The following SLC35D1 variants were observed in gnomAD, a reference collection of about 807,000 sequenced individuals.
SLC35D1 encodes the protein nucleotide sugar transporter SLC35D1.
In SLC35D1, 31 loss-of-function variants were observed where a neutral mutation model predicts 46.7. The ratio of observed to expected loss-of-function variants is 0.66; its 90% CI spans 0.50 to 0.90. SLC35D1 has a LOEUF of 0.90. SLC35D1 is among the 40% of genes least tolerant of loss of function. The pLI, the probability that SLC35D1 is intolerant of heterozygous loss-of-function variation, is 0.00. For missense variants in SLC35D1, 397 were observed against 426.2 expected, an observed-to-expected ratio of 0.93 and a Z score of 0.60; for synonymous variants, 195 against 164.6, an observed-to-expected ratio of 1.18 and a Z score of -1.41.
At chr1:67,013,166 A>ATATATACGTATATATATATATATATATG (rs1434207049) in intron 10 of SLC35D1, among the ~76,000 whole-genome samples, 1 of 143,362 alleles carries the variant, frequency 7.0e-6, no homozygotes, top group African/African-American at 2.7e-5. Context: ...AGATATATAT[A>ATATATACGTATATATATATATATATATG]TATCCTGTTC....
Position 67,042,224 on chromosome 1 carries a change from A to C in SLC35D1, c.729+12T>G. ...CAACGTAAGCCATTAAACCGTAATT[A>C]GAAAGTCCTACCTTTTGTGCATCTC... On this transcript the variant is annotated intron_variant, in intron 8 of 11. Coordinates refer to ENST00000235345, the MANE Select transcript of SLC35D1 (RefSeq NM_015139.3). 1 of 1,609,458 alleles carries C rather than the reference A, an allele frequency of 6.2e-7. No homozygotes were observed.
chr1:66,990,027 C>G, the SLC35D1 span, among the ~76,000 whole-genome samples: 2 of 152,326 alleles, frequency 1.3e-5, no homozygotes, highest in East Asian at 3.9e-4. Context: ...GCCAGTCATT[C>G]TAAGTGTATC....
In SLC35D1 at chr1:67,004,092, T is replaced by C; in HGVS notation, c.*248A>G. ...ACTGTCGGCATATAAGAAAAATAAATTAAAAAGCCCAGTACCTTTTCCAGT... is the reference window on the plus strand; with the variant it reads ...ACTGTCGGCATATAAGAAAAATAAACTAAAAAGCCCAGTACCTTTTCCAGT... On this transcript the variant is annotated 3_prime_UTR_variant, in exon 12 of 12. Transcript: ENST00000235345. The C allele has an allele frequency of 2.4e-6, 1 of 422,214 alleles. No individual in the cohort carries two copies. The highest frequency in any genetic ancestry group is 2.5e-5 in the South Asian group (1 of 39,756). The allele number at this position is 422,214 out of a possible 1,614,324, so 26.2% of individuals were successfully genotyped here.
At chr1:67,009,912 T>C (rs1050555019) in intron 10 of SLC35D1, among the ~76,000 whole-genome samples, 7 of 152,248 alleles carry the variant, frequency 4.6e-5, no homozygotes, top group African/African-American at 1.7e-4. Flanking sequence ...TGATTCCCAA[T>C]AGCAAAGACA....
chr1:67,004,836 A>G (rs1414291115), intron 11 of SLC35D1, among the ~76,000 whole-genome samples: 2 of 152,082 alleles, frequency 1.3e-5, no homozygotes, highest in African/African-American at 4.8e-5. Flanking sequence ...TTTTACTTGT[A>G]TTTTTTTGCA....
chr1:67,011,487 C>A (rs1667565370), intron 10 of SLC35D1, among the ~76,000 whole-genome samples: 1 of 152,060 alleles, frequency 6.6e-6, no homozygotes, highest in East Asian at 1.9e-4. Flanking sequence ...TCTCCAAAAT[C>A]TTTTTCATTT....
chr1:66,981,615 C>G, the SLC35D1 span, among the ~76,000 whole-genome samples: 1 of 152,100 alleles, frequency 6.6e-6, no homozygotes, highest in Non-Finnish European at 1.5e-5. Context: ...CCAAAAGGAG[C>G]TTTTCATTTA....
downstream of SLC35D1, among the ~76,000 whole-genome samples, chr1:66,995,458 A>C (rs1351890690): frequency 1.1e-4 from 13 of 119,342 alleles, no homozygotes; most frequent in Admixed American, 3.3e-4. Context: ...AAAAAAAAAA[A>C]AAAAAAAAAA....
At chr1:67,038,622 T>C (rs943885574) in intron 8 of SLC35D1, among the ~76,000 whole-genome samples, 1 of 152,208 alleles carries the variant, frequency 6.6e-6, no homozygotes, top group Non-Finnish European at 1.5e-5. Flanking sequence ...TGGAAAGTCA[T>C]TGGTCAAATG....
intron 8 of SLC35D1, among the ~76,000 whole-genome samples, chr1:67,024,728 C>A (rs1667881913): frequency 6.6e-6 from 1 of 152,058 alleles, no homozygotes; most frequent in Admixed American, 6.6e-5. Context: ...ATACCTGTGT[C>A]CTAATTTCCC....
chr1:67,037,206 T>G (rs879188773), intron 8 of SLC35D1, among the ~76,000 whole-genome samples: 2 of 152,280 alleles, frequency 1.3e-5, no homozygotes, highest in East Asian at 3.9e-4. Context: ...TGTCTTTATA[T>G]GTAAAATAAG....
In SLC35D1 at chr1:67,002,602, G is replaced by A. The variant is rs1490991272; in HGVS notation, c.*1738C>T. ...AAAAAGTGAGTCTAAGGCTCTTAAT[G>A]AAGCTTGTAACTTGGGAGTTGGTTG... On this transcript the variant is annotated 3_prime_UTR_variant, in exon 12 of 12. Transcript: ENST00000235345. The A allele has an allele frequency of 2.6e-5, 4 of 152,304 alleles. No homozygotes were observed. Among genetic ancestry groups the A allele is most frequent in the African/African-American group, 4.8e-5 (2 of 41,424 alleles). The allele number at this position is 152,304 out of a possible 1,614,324, so 9.4% of individuals were successfully genotyped here. A position where few individuals can be genotyped will look rare whatever the true frequency, so the allele number is the denominator to read the frequency against.
chr1:66,988,576 G>T, the SLC35D1 span: 2 of 152,196 alleles, frequency 1.3e-5, no homozygotes, highest in Non-Finnish European at 2.9e-5. Context: ...TTAGTATAAA[G>T]AATTATAGAA....
At chr1:67,028,594 C>T (rs1234047273) in intron 8 of SLC35D1, among the ~76,000 whole-genome samples, 1 of 152,182 alleles carries the variant, frequency 6.6e-6, no homozygotes, top group Non-Finnish European at 1.5e-5. Flanking sequence ...AAATGTTCCT[C>T]TTTATGGTAC....
intron 9 of SLC35D1, among the ~76,000 whole-genome samples, chr1:67,021,196 C>T (rs1272446774): frequency 6.6e-6 from 1 of 152,204 alleles, no homozygotes; most frequent in Non-Finnish European, 1.5e-5. Context: ...CTGCCACTGC[C>T]ACCTACAAAG....
At chr1:67,053,043 G>A in intron 1 of SLC35D1, 54 bp from the exon 2 acceptor site, 1 of 1,600,492 alleles carries the variant, frequency 6.2e-7, no homozygotes, top group East Asian at 2.2e-5. Context: ...ACTTAGCTCC[G>A]TGAATTCAAT....
chr1:66,977,839 A>T, the SLC35D1 span, among the ~76,000 whole-genome samples: 9 of 152,224 alleles, frequency 5.9e-5, no homozygotes, highest in East Asian at 1.9e-4. Flanking sequence ...AAAATAAAAA[A>T]AAATTGACTT....
At chr1:67,024,765 G>C (rs1366973466) in intron 8 of SLC35D1, among the ~76,000 whole-genome samples, 1 of 151,450 alleles carries the variant, frequency 6.6e-6, no homozygotes, top group Non-Finnish European at 1.5e-5. Flanking sequence ...TTTTTTTTAA[G>C]CAAGGTCTTG....
At chr1:67,038,201 A>G (rs1033040475) in intron 8 of SLC35D1, among the ~76,000 whole-genome samples, 3 of 152,340 alleles carry the variant, frequency 2.0e-5, no homozygotes, top group Middle Eastern at 3.4e-3. Flanking sequence ...AGAATAATTC[A>G]GAGTCTGAAA....
Sources: allele counts gnomAD v4.1 joint callset (sites outside exome capture counted in the v4.1 genomes callset), GRCh38; gene constraint gnomAD v4.1.1; transcripts MANE v1.5; gene names NCBI Gene and HGNC (gene_info 2026-07-23, HGNC 2026-07-21).